PAIP2: variants seen among roughly 807,000 people sequenced by gnomAD.
PAIP2 encodes the protein polyadenylate-binding protein-interacting protein 2.
In PAIP2, 7 loss-of-function variants were observed where a neutral mutation model predicts 14.8. That is an observed-to-expected ratio of 0.47 (90% CI 0.27 to 0.89). The LOEUF is 0.89. PAIP2 is among the 40% of genes least tolerant of loss of function. PAIP2 has a pLI of 0.13. For synonymous variants in PAIP2, 47 were observed against 45.3 expected (o/e 1.04, Z -0.15); for missense variants, 122 against 154.7 (o/e 0.79, Z 1.12).
At chr5:139,364,141 A>C (rs1757150487) in intron 2 of PAIP2, 1 of 529,170 alleles carries the variant, frequency 1.9e-6, no homozygotes, top group Middle Eastern at 5.0e-4. Flanking sequence ...AGATGTCTGA[A>C]TCAGGAGGAT....
intron 1 of PAIP2, among the ~76,000 whole-genome samples, chr5:139,348,432 G>A (rs956616439): frequency 1.3e-5 from 2 of 151,234 alleles, no homozygotes; most frequent in African/African-American, 2.4e-5. Context: ...TCAGCTGACT[G>A]CAAGCTCTGC....
intron 1 of PAIP2, among the ~76,000 whole-genome samples, chr5:139,351,925 A>G (rs984358356): frequency 3.9e-5 from 6 of 152,150 alleles, no homozygotes; most frequent in African/African-American, 7.2e-5. Flanking sequence ...CTACACTTCA[A>G]TGCTTGCTTT....
At chr5:139,344,075 C>T (rs1441716764) in intron 1 of PAIP2, among the ~76,000 whole-genome samples, 2 of 152,168 alleles carry the variant, frequency 1.3e-5, no homozygotes, top group Non-Finnish European at 1.5e-5. Context: ...TAATGCCAGG[C>T]ATTGTTCTCA....
chr5:139,358,539 A>G (rs887576914), intron 1 of PAIP2, among the ~76,000 whole-genome samples: 3 of 152,208 alleles, frequency 2.0e-5, no homozygotes, highest in Non-Finnish European at 2.9e-5. Context: ...GAGAACTGAA[A>G]ACGTGCTCAT....
chr5:139,364,867 C>T (rs1344300805), intron 3 of PAIP2, 124 bp downstream of exon 3: 14 of 668,838 alleles, frequency 2.1e-5, no homozygotes, highest in African/African-American at 9.1e-5. Flanking sequence ...TGCTTCTGGC[C>T]GGGCATGTGG....
intron 1 of PAIP2, among the ~76,000 whole-genome samples, chr5:139,349,712 GT>G (rs1304050783): frequency 1.3e-5 from 2 of 152,060 alleles, no homozygotes; most frequent in African/African-American, 2.4e-5. Context: ...TATCAAAAAT[GT>G]TAATTCCTGG....
intron 1 of PAIP2, among the ~76,000 whole-genome samples, chr5:139,344,203 A>G (rs1380985539): frequency 1.3e-5 from 2 of 152,218 alleles, no homozygotes; most frequent in African/African-American, 4.8e-5. Context: ...CAGAGCTATG[A>G]TAGTCGGAAT....
chr5:139,366,568 G>T (rs906302688), intron 3 of PAIP2, among the ~76,000 whole-genome samples: 14 of 152,130 alleles, frequency 9.2e-5, no homozygotes, highest in Non-Finnish European at 2.1e-4. Flanking sequence ...AGTCTGGAGG[G>T]GGGTATGATT....
chr5:139,362,678 G>C (rs1368705786), intron 1 of PAIP2, among the ~76,000 whole-genome samples: 2 of 151,800 alleles, frequency 1.3e-5, no homozygotes, highest in Non-Finnish European at 2.9e-5. Context: ...CCAAAGTGCT[G>C]GGATTACAGG....
intron 1 of PAIP2, among the ~76,000 whole-genome samples, chr5:139,350,504 G>A (rs1213089525): frequency 2.0e-5 from 3 of 151,622 alleles, no homozygotes; most frequent in African/African-American, 4.8e-5. Flanking sequence ...GGTGGCATGC[G>A]CCTGTAGTCC....
rs530766235 is a variant in PAIP2 at position 139,350,170 on chromosome 5, T to C, written c.-27+8190T>C. 1.8e-4 allele frequency among the ~76,000 whole-genome samples: 27 copies of C among 148,018 alleles called. No individual in the cohort carries two copies. In the Middle Eastern group the frequency reaches 0.01, roughly 58 times the overall value. The stretch of plus-strand genomic sequence containing the variant: ...AGCCTGGGCAGCAAAGGCGAGACTC[T>C]GTCTCAAAAAAAAAAAAAAAAAGTT... On this transcript the variant is annotated intron_variant, in intron 1 of 3. Coordinates refer to ENST00000265192, the MANE Select transcript of PAIP2 (RefSeq NM_016480.5).
chr5:139,350,684 T>C (rs552503326), intron 1 of PAIP2, among the ~76,000 whole-genome samples: 11 of 151,406 alleles, frequency 7.3e-5, no homozygotes, highest in African/African-American at 2.4e-4. Context: ...GGTTGAAAGA[T>C]CATACCTGCA....
intron 1 of PAIP2, among the ~76,000 whole-genome samples, chr5:139,354,793 C>T (rs975114019): frequency 1.3e-5 from 2 of 151,454 alleles, no homozygotes; most frequent in African/African-American, 2.4e-5. Flanking sequence ...TGTTGAACCC[C>T]TCTAGTAAAT....
intron 1 of PAIP2, among the ~76,000 whole-genome samples, chr5:139,351,150 G>C (rs1436568998): frequency 6.6e-6 from 1 of 152,110 alleles, no homozygotes; most frequent in Non-Finnish European, 1.5e-5. Context: ...GATTGTTGAA[G>C]ATGCAGCAAA....
intron 1 of PAIP2, among the ~76,000 whole-genome samples, chr5:139,355,555 C>T (rs939021924): frequency 6.6e-6 from 1 of 152,232 alleles, no homozygotes; most frequent in East Asian, 1.9e-4. Flanking sequence ...TCCTTTAGCT[C>T]TTTTAACATA....
At chr5:139,360,186 C>T (rs763472905) in intron 1 of PAIP2, among the ~76,000 whole-genome samples, 73 of 151,870 alleles carry the variant, frequency 4.8e-4, no homozygotes, top group Non-Finnish European at 8.1e-4. Context: ...AGGCTGGTCT[C>T]GAACTCCCGA....
intron 2 of PAIP2, among the ~76,000 whole-genome samples, chr5:139,364,362 A>G (rs115706214): frequency 2.7e-3 from 415 of 152,300 alleles, no homozygotes; most frequent in African/African-American, 9.7e-3. Flanking sequence ...AGAATGTTCT[A>G]CTAATAAAAG....
intron 1 of PAIP2, chr5:139,343,380 C>T (rs2152042594): frequency 6.6e-6 from 1 of 152,296 alleles, no homozygotes; most frequent in South Asian, 2.1e-4. Flanking sequence ...AGGCTGTGCA[C>T]GTTGCTCCTT....
chr5:139,365,592 G>A (rs1757205464), intron 3 of PAIP2, among the ~76,000 whole-genome samples: 1 of 151,962 alleles, frequency 6.6e-6, no homozygotes, highest in Non-Finnish European at 1.5e-5. Flanking sequence ...CTTCAACCTG[G>A]AAGGCAGAGG....
Sources: allele counts gnomAD v4.1 joint callset (sites outside exome capture counted in the v4.1 genomes callset), GRCh38; gene constraint gnomAD v4.1.1; transcripts MANE v1.5; gene names NCBI Gene and HGNC (gene_info 2026-07-23, HGNC 2026-07-21).